The following NEDD4L variants were observed in gnomAD, a reference collection of about 807,000 sequenced individuals.
NEDD4L encodes NEDD4 like E3 ubiquitin protein ligase.
Under a neutral mutation model 148.9 loss-of-function variants are expected in NEDD4L, and 54 were observed. The ratio of observed to expected loss-of-function variants is 0.36; its 90% CI spans 0.29 to 0.45. NEDD4L has a LOEUF of 0.45. NEDD4L is among the 20% of genes least tolerant of loss of function. NEDD4L has a pLI of 1.00. For synonymous variants in NEDD4L, 433 were observed against 440.7 expected (o/e 0.98, Z 0.22); for missense variants, 856 against 1,233.8 (o/e 0.69, Z 4.59).
At chr18:58,057,173 C>T (rs1161566539) in intron 1 of NEDD4L, among the ~76,000 whole-genome samples, 1 of 152,028 alleles carries the variant, frequency 6.6e-6, no homozygotes, top group Non-Finnish European at 1.5e-5. Flanking sequence ...TGCACATGCT[C>T]CCTTTCTCCA....
At chr18:58,285,355 G>A (rs1310296114) in intron 5 of NEDD4L, among the ~76,000 whole-genome samples, 7 of 152,124 alleles carry the variant, frequency 4.6e-5, no homozygotes, top group Admixed American at 6.6e-5. Context: ...TTGAGATAGG[G>A]TCTTGCTCTG....
At position 58,349,561 on chromosome 18, in the gene NEDD4L, G is replaced by T; in HGVS notation, c.1600G>T (p.Val534Leu). ...GGAAGATCCACGTTTGAAATTTCCA[G>T]TACATATGCGGTCAAAGACATCTTT... ...TWEDPRLKFP[V>L]HMRSKTSLNP... Residue 534 changes from valine (V) to leucine (L), a missense_variant, in exon 17 of 31, where the codon GTA becomes TTA. Physicochemically the swap from Val to Leu is conservative, Grantham distance 32. Coordinates refer to ENST00000400345, the MANE Select transcript of NEDD4L (RefSeq NM_001144967.3). The T allele has an allele frequency of 1.2e-6, 2 of 1,614,002 alleles. No individual in the cohort carries two copies. The highest frequency in any genetic ancestry group is 1.1e-5 in the South Asian group (1 of 91,078).
intron 2 of NEDD4L, among the ~76,000 whole-genome samples, chr18:58,182,416 T>C (rs1457255968): frequency 6.6e-6 from 1 of 152,084 alleles, no homozygotes; most frequent in African/African-American, 2.4e-5. Context: ...TAAAATAAAG[T>C]TTATTTTCTT....
At chr18:58,138,632 AGTTTTGG>A (rs2033139705) in intron 1 of NEDD4L, among the ~76,000 whole-genome samples, 1 of 152,088 alleles carries the variant, frequency 6.6e-6, no homozygotes, top group African/African-American at 2.4e-5. Context: ...TAATGCTCAC[AGTTTTGG>A]AGGCTGGGAA....
chr18:58,090,760 G>T (rs1445266391), intron 1 of NEDD4L: 1 of 152,240 alleles, frequency 6.6e-6, no homozygotes, highest in East Asian at 1.9e-4. Flanking sequence ...TTACAGGCAC[G>T]AGCCAATGCA....
chr18:58,193,526 G>A (rs575171544), intron 2 of NEDD4L, among the ~76,000 whole-genome samples: 28 of 152,286 alleles, frequency 1.8e-4, no homozygotes, highest in African/African-American at 6.3e-4. Flanking sequence ...TACTGGTATC[G>A]TTTTAGAGAG....
At chr18:58,122,662 T>C (rs2030165304) in intron 1 of NEDD4L, among the ~76,000 whole-genome samples, 1 of 152,212 alleles carries the variant, frequency 6.6e-6, no homozygotes, top group Non-Finnish European at 1.5e-5. Context: ...TATACCTGGC[T>C]GATTTATTGT....
At chr18:58,055,891 C>G (rs1177885105) in intron 1 of NEDD4L, among the ~76,000 whole-genome samples, 1 of 152,190 alleles carries the variant, frequency 6.6e-6, no homozygotes, top group Non-Finnish European at 1.5e-5. Flanking sequence ...TGATCAGACT[C>G]AAATCCATTT....
At chr18:58,080,163 A>C (rs1314929854) in intron 1 of NEDD4L, among the ~76,000 whole-genome samples, 1 of 152,150 alleles carries the variant, frequency 6.6e-6, no homozygotes, top group Non-Finnish European at 1.5e-5. Context: ...GGCCTCAAGC[A>C]GTCCTCCACC....
At chr18:58,302,889 C>T (rs559310713) in intron 5 of NEDD4L, among the ~76,000 whole-genome samples, 34 of 152,336 alleles carry the variant, frequency 2.2e-4, no homozygotes, top group African/African-American at 7.9e-4. Context: ...ACACATGCTT[C>T]GAGGTGATGT....
intron 2 of NEDD4L, among the ~76,000 whole-genome samples, chr18:58,199,508 C>T (rs562045229): frequency 2.6e-5 from 4 of 152,300 alleles, no homozygotes; most frequent in African/African-American, 9.6e-5. Context: ...AGACCAGGCA[C>T]GGTGGCTCAC....
chr18:58,150,863 G>C (rs1483683686), intron 1 of NEDD4L, among the ~76,000 whole-genome samples: 1 of 151,994 alleles, frequency 6.6e-6, no homozygotes, highest in Non-Finnish European at 1.5e-5. Flanking sequence ...TCCAGTGGGG[G>C]CGGGTCGTAC....
chr18:58,253,817 C>T (rs1432649806), intron 5 of NEDD4L, among the ~76,000 whole-genome samples: 1 of 152,112 alleles, frequency 6.6e-6, no homozygotes, highest in Non-Finnish European at 1.5e-5. Flanking sequence ...GGTGATCTTG[C>T]CCTGGGTCTG....
rs2044827777 is a variant in NEDD4L at position 58,357,419 on chromosome 18, G to A, written c.1767+167G>A. On this transcript the variant is annotated intron_variant, in intron 19 of 30. Coordinates refer to ENST00000400345, the MANE Select transcript of NEDD4L (RefSeq NM_001144967.3). ...CTCCTTACTGAAGTTTCCAGGTGAGGTACAGCTGCATGTGCCTTTTCAGAT... is the reference window on the plus strand; with the variant it reads ...CTCCTTACTGAAGTTTCCAGGTGAGATACAGCTGCATGTGCCTTTTCAGAT... The A allele has an allele frequency of 4.1e-6, 3 of 737,586 alleles. No homozygotes were observed. The East Asian group carries it at 7.6e-5, about 19-fold the overall frequency. The allele number at this position is 737,586 out of a possible 1,614,324, so 45.7% of individuals were successfully genotyped here. A position where few individuals can be genotyped will look rare whatever the true frequency, so the allele number is the denominator to read the frequency against.
At chr18:58,247,776 C>T (rs1297462646) in intron 3 of NEDD4L, among the ~76,000 whole-genome samples, 2 of 152,222 alleles carry the variant, frequency 1.3e-5, no homozygotes, top group African/African-American at 4.8e-5. Flanking sequence ...TGAAGCTGCC[C>T]TCCGGGACTG....
chr18:58,164,846 AC>A lies in NEDD4L; in HGVS notation c.49-941del, dbSNP rs146748124. Among the ~76,000 whole-genome samples, 937 of 152,306 alleles carry A rather than the reference AC, an allele frequency of 6.2e-3. 13 individuals are homozygous for A. Among genetic ancestry groups the A allele is most frequent in the African/African-American group, 0.021 (884 of 41,552 alleles). ...TATAACTGCAGGCTCTACATTGATA[AC>A]TGCTGAGTCTCTAAGTCAGACCAGA... On this transcript the variant is annotated intron_variant, in intron 1 of 30. Transcript: ENST00000400345.
chr18:58,193,860 T>C (rs746942429), intron 2 of NEDD4L: 2 of 152,180 alleles, frequency 1.3e-5, no homozygotes, highest in Non-Finnish European at 1.5e-5. Context: ...TTTAAATTTA[T>C]TTCCTGGGTC....
chr18:58,106,167 C>T (rs376735331), intron 1 of NEDD4L, among the ~76,000 whole-genome samples: 7 of 152,258 alleles, frequency 4.6e-5, no homozygotes, highest in African/African-American at 1.4e-4. Flanking sequence ...TAGGGACATC[C>T]GTGCTGCCCA....
intron 24 of NEDD4L, among the ~76,000 whole-genome samples, chr18:58,378,393 G>A (rs763631176): frequency 1.3e-5 from 2 of 152,224 alleles, no homozygotes; most frequent in Non-Finnish European, 2.9e-5. Context: ...GAGTGAAAAG[G>A]CAGAAATGGT....
Sources: allele counts gnomAD v4.1 joint callset (sites outside exome capture counted in the v4.1 genomes callset), GRCh38; gene constraint gnomAD v4.1.1; transcripts MANE v1.5; gene names NCBI Gene and HGNC (gene_info 2026-07-23, HGNC 2026-07-21).